Variants in CFDP1 observed in about 807,000 individuals in gnomAD.
CFDP1 encodes heterochromatin-stabilizing protein CFDP1.
In CFDP1, 31 loss-of-function variants were observed where a neutral mutation model predicts 40.1. That is an observed-to-expected ratio of 0.77 (90% CI 0.58 to 1.04). The LOEUF (loss-of-function observed/expected upper bound fraction) is 1.04. Ranked by LOEUF, CFDP1 falls within the 50% of genes least tolerant of loss-of-function variation. The pLI is 0.00. For missense variants in CFDP1, 423 were observed against 343.4 expected (o/e 1.23, Z -1.83); for synonymous variants, 167 against 120.0 (o/e 1.39, Z -2.56).
At chr16:75,324,468 G>A (rs1044536760) in intron 5 of CFDP1, among the ~76,000 whole-genome samples, 7 of 152,112 alleles carry the variant, frequency 4.6e-5, no homozygotes, top group South Asian at 2.1e-4. Context: ...CTGGCTGGGC[G>A]CGGTGGCTCA....
intron 1 of CFDP1, among the ~76,000 whole-genome samples, chr16:75,432,466 G>C (rs1482305097): frequency 6.6e-6 from 1 of 151,202 alleles, no homozygotes; most frequent in Non-Finnish European, 1.5e-5. Flanking sequence ...CGGGAGGATC[G>C]CTTGAGCCCA....
At chr16:75,430,933 G>C (rs112078729) in intron 1 of CFDP1, among the ~76,000 whole-genome samples, 1 of 152,304 alleles carries the variant, frequency 6.6e-6, no homozygotes, top group African/African-American at 2.4e-5. Context: ...CAGTCTCTCA[G>C]GTTAAATGTT....
chr16:75,398,581 G>A (rs1439956171), intron 4 of CFDP1, among the ~76,000 whole-genome samples: 1 of 152,158 alleles, frequency 6.6e-6, no homozygotes, highest in African/African-American at 2.4e-5. Flanking sequence ...CCCTGTGTCT[G>A]TCTCTCTCAA....
At chr16:75,388,899 T>A (rs2078923175) in intron 5 of CFDP1, among the ~76,000 whole-genome samples, 1 of 149,128 alleles carries the variant, frequency 6.7e-6, no homozygotes, top group Non-Finnish European at 1.5e-5. Flanking sequence ...TATGATGTTG[T>A]TTGATACTCA....
intron 1 of CFDP1, among the ~76,000 whole-genome samples, chr16:75,416,803 C>T (rs2079211583): frequency 6.6e-6 from 1 of 151,810 alleles, no homozygotes; most frequent in African/African-American, 2.4e-5. Context: ...AAGGAGCCAG[C>T]TGTGTGAAAA....
intron 5 of CFDP1, among the ~76,000 whole-genome samples, chr16:75,358,958 C>T (rs900416489): frequency 1.7e-4 from 26 of 152,164 alleles, no homozygotes; most frequent in Non-Finnish European, 7.3e-5. Flanking sequence ...ATGATTAATG[C>T]ATGCTGTTAC....
intron 4 of CFDP1, 28 bp downstream of exon 4, chr16:75,411,786 TGAAAATGCTAG>T: frequency 6.3e-7 from 1 of 1,590,444 alleles, no homozygotes; most frequent in Admixed American, 1.8e-5. Flanking sequence ...CGCTCATTTT[TGAAAATGCTAG>T]TTTCAAAGTT....
intron 5 of CFDP1, among the ~76,000 whole-genome samples, chr16:75,306,877 T>TCA (rs59846343): frequency 0.093 from 12,611 of 135,566 alleles, 498 homozygotes; most frequent in African/African-American, 0.11. Flanking sequence ...GTGCGCGTGA[T>TCA]CACACACACA....
At chr16:75,294,986 CGGA>C (rs1322467941) in intron 6 of CFDP1, among the ~76,000 whole-genome samples, 2 of 152,122 alleles carry the variant, frequency 1.3e-5, no homozygotes, top group Non-Finnish European at 2.9e-5. Flanking sequence ...TTTGCCTGGG[CGGA>C]GGAGATCTCT....
intron 5 of CFDP1, among the ~76,000 whole-genome samples, chr16:75,390,851 G>T (rs1355578952): frequency 1.3e-5 from 2 of 152,158 alleles, no homozygotes; most frequent in African/African-American, 2.4e-5. Context: ...AGGCCTAGGG[G>T]TAGTAATAGA....
At chr16:75,394,822 C>T (rs1304124201) in intron 5 of CFDP1, 1 of 273,902 alleles carries the variant, frequency 3.7e-6, no homozygotes, top group Admixed American at 4.7e-5. Flanking sequence ...GCCACCATGC[C>T]CAGCTAATTT....
intron 4 of CFDP1, among the ~76,000 whole-genome samples, chr16:75,397,860 C>T (rs941957747): frequency 4.6e-5 from 7 of 152,170 alleles, no homozygotes; most frequent in African/African-American, 1.7e-4. Context: ...TCCTTCCCTA[C>T]TCCACTGATG....
intron 5 of CFDP1, among the ~76,000 whole-genome samples, chr16:75,320,231 A>G (rs1335047750): frequency 1.3e-5 from 2 of 152,198 alleles, no homozygotes; most frequent in African/African-American, 4.8e-5. Flanking sequence ...CCCTTAAACA[A>G]GTCCAGTTTC....
intron 4 of CFDP1, among the ~76,000 whole-genome samples, chr16:75,401,420 C>T (rs987129960): frequency 2.4e-5 from 3 of 125,186 alleles, no homozygotes; most frequent in African/African-American, 9.0e-5. Flanking sequence ...AAAGTTAAGA[C>T]TCCGTCTCAA....
chr16:75,427,412 G>A (rs564079485), intron 1 of CFDP1, among the ~76,000 whole-genome samples: 6 of 151,984 alleles, frequency 3.9e-5, no homozygotes, highest in South Asian at 2.1e-4. Context: ...CACCATGCCC[G>A]GCTAATTCTT....
At chr16:75,334,014 C>T (rs2078467210) in intron 5 of CFDP1, among the ~76,000 whole-genome samples, 1 of 152,112 alleles carries the variant, frequency 6.6e-6, no homozygotes, top group African/African-American at 2.4e-5. Context: ...GTGACTGAGA[C>T]ACAGAGAGAC....
chr16:75,350,531 A>G (rs1202387392), intron 5 of CFDP1, among the ~76,000 whole-genome samples: 1 of 152,224 alleles, frequency 6.6e-6, no homozygotes, highest in African/African-American at 2.4e-5. Context: ...TTTTTAAATT[A>G]TTACAGACAT....
At chr16:75,361,290 C>A (rs966141424) in intron 5 of CFDP1, among the ~76,000 whole-genome samples, 1 of 152,182 alleles carries the variant, frequency 6.6e-6, no homozygotes, top group Non-Finnish European at 1.5e-5. Flanking sequence ...TGATTACAGG[C>A]ATGAGTAACC....
chr16:75,407,976 T>C (rs1013635512), intron 4 of CFDP1, among the ~76,000 whole-genome samples: 4 of 151,898 alleles, frequency 2.6e-5, no homozygotes, highest in African/African-American at 9.7e-5. Flanking sequence ...GCGTGGTGTA[T>C]GCCTATAGTC....
Sources: allele counts gnomAD v4.1 joint callset (sites outside exome capture counted in the v4.1 genomes callset), GRCh38; gene constraint gnomAD v4.1.1; transcripts MANE v1.5; gene names NCBI Gene and HGNC (gene_info 2026-07-23, HGNC 2026-07-21).